The following TMTC2 variants were observed in gnomAD, a reference collection of about 807,000 sequenced individuals.
The protein encoded by TMTC2 is transmembrane O-mannosyltransferase targeting cadherins 2, also known as protein O-mannosyl-transferase TMTC2.
In TMTC2, 43 loss-of-function variants were observed where a neutral mutation model predicts 82.4. The ratio of observed to expected loss-of-function variants is 0.52; its 90% confidence interval spans 0.41 to 0.67. TMTC2 has a LOEUF of 0.67. Among genes scored for constraint, TMTC2 ranks in the 30% least tolerant of loss-of-function variants. TMTC2 has a pLI of 0.00. For missense variants in TMTC2, 919 were observed against 1,012.4 expected (o/e 0.91, Z 1.25); for synonymous variants, 408 against 381.9 (o/e 1.07, Z -0.80).
intron 4 of TMTC2, among the ~76,000 whole-genome samples, chr12:82,936,685 T>G (rs1480401561): frequency 6.6e-6 from 1 of 152,078 alleles, no homozygotes; most frequent in East Asian, 1.9e-4. Context: ...AGCAGCTGCC[T>G]TGGAAAGCAA....
intron 11 of TMTC2, among the ~76,000 whole-genome samples, chr12:83,109,124 C>T (rs1884513037): frequency 6.6e-6 from 1 of 152,076 alleles, no homozygotes; most frequent in South Asian, 2.1e-4. Flanking sequence ...GAAAGAAATA[C>T]CTGAGATTGG....
chr12:83,107,626 A>G (rs1045272244), intron 11 of TMTC2, among the ~76,000 whole-genome samples: 1 of 152,218 alleles, frequency 6.6e-6, no homozygotes, highest in Admixed American at 6.5e-5. Flanking sequence ...GTTTCAACCC[A>G]TAGCAACAGT....
intron 10 of TMTC2, among the ~76,000 whole-genome samples, chr12:83,058,487 G>A (rs1443341347): frequency 1.3e-5 from 2 of 151,786 alleles, no homozygotes; most frequent in South Asian, 2.1e-4. Flanking sequence ...AGAGTGGGAG[G>A]TCCCAACAGC....
chr12:82,965,791 C>G, intron 6 of TMTC2, 47 bp downstream of exon 6: 1 of 1,606,722 alleles, frequency 6.2e-7, no homozygotes, highest in Non-Finnish European at 8.5e-7. Flanking sequence ...TTGTTCTGAT[C>G]CAGTCTCAGT....
intron 1 of TMTC2, among the ~76,000 whole-genome samples, chr12:82,748,888 A>G (rs1391549793): frequency 3.9e-5 from 6 of 152,176 alleles, no homozygotes. Context: ...AAAAAGAATC[A>G]CACACATACA....
chr12:82,854,667 T>C lies in TMTC2; in HGVS notation c.84-2343T>C, dbSNP rs538929115. Among the ~76,000 whole-genome samples, 4 of 152,288 alleles carry C rather than the reference T, an allele frequency of 2.6e-5. No homozygotes were observed. The East Asian group carries it at 7.7e-4, about 29-fold the overall frequency. ...GTATGGAAAAGAGAGAGAATAGATA[T>C]TGGGTGATATCCCTGATATAGTGAA... On this transcript the variant is annotated intron_variant, in intron 1 of 11. Coordinates refer to ENST00000321196, the MANE Select transcript of TMTC2 (RefSeq NM_152588.3).
At chr12:82,990,889 A>G (rs1362876198) in intron 8 of TMTC2, among the ~76,000 whole-genome samples, 1 of 152,038 alleles carries the variant, frequency 6.6e-6, no homozygotes, top group South Asian at 2.1e-4. Flanking sequence ...TCTTCAAGCT[A>G]GGTATTGCTT....
chr12:82,996,843 T>C (rs755911455), intron 8 of TMTC2, among the ~76,000 whole-genome samples: 13 of 152,178 alleles, frequency 8.5e-5, no homozygotes, highest in Non-Finnish European at 1.6e-4. Flanking sequence ...GAAATAGCAA[T>C]AGCTAAAAGA....
intron 11 of TMTC2, among the ~76,000 whole-genome samples, chr12:83,110,132 G>A (rs892239043): frequency 6.6e-6 from 1 of 152,012 alleles, no homozygotes; most frequent in African/African-American, 2.4e-5. Context: ...TGCTTCCATC[G>A]TCACGTCTAA....
At chr12:82,913,373 G>A (rs747148820) in intron 3 of TMTC2, among the ~76,000 whole-genome samples, 4 of 152,042 alleles carry the variant, frequency 2.6e-5, no homozygotes, top group Non-Finnish European at 4.4e-5. Flanking sequence ...TTCTCACATT[G>A]AGCCTGGAGC....
At chr12:83,030,675 A>C (rs527361994) in intron 8 of TMTC2, 123 bp from the exon 9 acceptor site, 1 of 648,004 alleles carries the variant, frequency 1.5e-6, no homozygotes. Flanking sequence ...TAAAAACAAA[A>C]ATTTTTTTTT....
chr12:82,770,984 G>A (rs1042637240), intron 1 of TMTC2, among the ~76,000 whole-genome samples: 13 of 152,002 alleles, frequency 8.6e-5, no homozygotes, highest in African/African-American at 3.1e-4. Context: ...TGAGGTGGGC[G>A]GATCACGAGG....
Position 83,134,757 on chromosome 12 carries a change from G to A in TMTC2, c.*2368G>A, listed in dbSNP as rs1885383144. The A allele has an allele frequency of 6.6e-6, 1 of 152,120 alleles. No homozygotes were observed. The allele number at this position is 152,120 out of a possible 1,614,324, so 9.4% of individuals were successfully genotyped here. On this transcript the variant is annotated 3_prime_UTR_variant, in exon 12 of 12. Transcript: ENST00000321196. ...TTAAAATTTTATTTTTTGAGAAACT[G>A]TTATTTGTATAAATTATCAAGATTT...
At chr12:82,799,852 G>A (rs991024640) in intron 1 of TMTC2, among the ~76,000 whole-genome samples, 15 of 151,996 alleles carry the variant, frequency 9.9e-5, no homozygotes, top group African/African-American at 3.6e-4. Flanking sequence ...TGTTCTTACC[G>A]GCAAGGAACA....
intron 4 of TMTC2, among the ~76,000 whole-genome samples, chr12:82,931,328 T>A (rs1448875755): frequency 6.6e-6 from 1 of 152,174 alleles, no homozygotes; most frequent in Non-Finnish European, 1.5e-5. Context: ...TTTTTTGTTT[T>A]CCTTTTCATA....
At chr12:82,714,822 GCTTCTCAGTTTATTGGT>G (rs1393356771) in intron 1 of TMTC2, among the ~76,000 whole-genome samples, 1 of 152,138 alleles carries the variant, frequency 6.6e-6, no homozygotes, top group Non-Finnish European at 1.5e-5. Context: ...TACTGAGATT[GCTTCTCAGTTTATTGGT>G]CTTCATTTGT....
At chr12:82,946,401 G>A (rs1306926780) in intron 4 of TMTC2, among the ~76,000 whole-genome samples, 1 of 152,086 alleles carries the variant, frequency 6.6e-6, no homozygotes, top group Non-Finnish European at 1.5e-5. Flanking sequence ...GATTACTTTA[G>A]AATCTTTCCT....
At chr12:82,735,046 C>G (rs184763410) in intron 1 of TMTC2, among the ~76,000 whole-genome samples, 34 of 152,248 alleles carry the variant, frequency 2.2e-4, no homozygotes, top group African/African-American at 7.5e-4. Flanking sequence ...ATTCCTTATT[C>G]CACAGATACT....
At chr12:82,706,319 A>G (rs1055465685) in intron 1 of TMTC2, among the ~76,000 whole-genome samples, 2 of 85,692 alleles carry the variant, frequency 2.3e-5, no homozygotes, top group African/African-American at 7.9e-5. Flanking sequence ...GCAAGAGTCC[A>G]TCTCAAAAAA....
Sources: allele counts gnomAD v4.1 joint callset (sites outside exome capture counted in the v4.1 genomes callset), GRCh38; gene constraint gnomAD v4.1.1; transcripts MANE v1.5; gene names NCBI Gene and HGNC (gene_info 2026-07-23, HGNC 2026-07-21).